The following GMPR2 variants were observed in gnomAD, a reference collection of about 807,000 sequenced individuals.
The protein encoded by GMPR2 is GMP reductase 2.
A neutral mutation model predicts 38.5 loss-of-function variants in GMPR2; 32 were observed. The ratio of observed to expected loss-of-function variants is 0.83; its 90% confidence interval spans 0.63 to 1.12. GMPR2 has a LOEUF of 1.12. Among genes scored for constraint, GMPR2 ranks in the 50% most tolerant of loss-of-function variants. The pLI is 0.00. For synonymous variants in GMPR2, 154 were observed against 151.0 expected (o/e 1.02, Z -0.15); for missense variants, 396 against 432.1 (o/e 0.92, Z 0.74).
At chr14:24,236,872 C>T (rs1279597308) in intron 5 of GMPR2, 199 bp from the exon 6 acceptor site, 7 of 534,818 alleles carry the variant, frequency 1.3e-5, no homozygotes, top group Admixed American at 9.4e-5. Context: ...CCTACCTTGG[C>T]TTGGTGTTGG....
At chr14:24,235,034 GGC>G (rs2040270727) in intron 3 of GMPR2, among the ~76,000 whole-genome samples, 1 of 152,186 alleles carries the variant, frequency 6.6e-6, no homozygotes, top group African/African-American at 2.4e-5. Context: ...CATACACAAT[GGC>G]CTTTGAATGC....
intron 5 of GMPR2, 27 bp from the exon 6 acceptor site, chr14:24,237,044 T>G: frequency 6.4e-7 from 1 of 1,563,492 alleles, no homozygotes; most frequent in South Asian, 1.1e-5. Context: ...GCCCTAAGGA[T>G]GCTGTATTTC....
intron 8 of GMPR2, chr14:24,237,955 TA>T (rs1408075204): frequency 4.2e-6 from 2 of 472,358 alleles, no homozygotes; most frequent in Non-Finnish European, 7.5e-6. Context: ...CTGGGCACAG[TA>T]AAATCAAATG....
intron 1 of GMPR2, 58 bp from the exon 2 acceptor site, chr14:24,233,161 C>T (rs768721547): frequency 1.6e-5 from 25 of 1,609,532 alleles, no homozygotes; most frequent in Non-Finnish European, 2.0e-5. Flanking sequence ...GGCCACCAGC[C>T]GTAACAGGGC....
Position 24,238,986 on chromosome 14 carries a change from A to C in GMPR2, c.*208A>C, listed in dbSNP as rs1309466209. The C allele has an allele frequency of 1.5e-6, 1 of 651,670 alleles. No homozygotes were observed. The highest frequency in any genetic ancestry group is 2.8e-6 in the Non-Finnish European group (1 of 352,934). 40.4% of individuals were successfully genotyped at this position (651,670 alleles called of 1,614,324 possible). On this transcript the variant is annotated 3_prime_UTR_variant, in exon 10 of 10. Transcript: ENST00000399440. ...CTCACTGGGGAGGAAGCAAGGAAGC[A>C]AACAGTCTGAGAAAATGATGCAAGA...
In GMPR2 at chr14:24,239,011, A is replaced by C. The variant is rs1208946549; in HGVS notation, c.*233A>C. Reference sequence around the variant, plus strand: ...AAACAGTCTGAGAAAATGATGCAAGAAAATCAAATGGGAATCTGGGGACCC... The same window carrying C: ...AAACAGTCTGAGAAAATGATGCAAGCAAATCAAATGGGAATCTGGGGACCC... On this transcript the variant is annotated 3_prime_UTR_variant, in exon 10 of 10. Coordinates refer to ENST00000399440, the MANE Select transcript of GMPR2 (RefSeq NM_001002002.3). 3.2e-6 allele frequency: 2 copies of C among 616,974 alleles called. No individual in the cohort carries two copies. Among genetic ancestry groups the C allele is most frequent in the African/African-American group, 3.6e-5 (2 of 55,446 alleles). 38.2% of individuals were successfully genotyped at this position (616,974 alleles called of 1,614,324 possible).
chr14:24,238,970 GAGGAAGCA>G lies in GMPR2; in HGVS notation c.*202_*209del, dbSNP rs1566362900. The G allele has an allele frequency of 3.0e-6, 2 of 673,952 alleles. No individual in the cohort carries two copies. Among genetic ancestry groups the G allele is most frequent in the East Asian group, 2.9e-5 (1 of 34,706 alleles). The allele number at this position is 673,952 out of a possible 1,614,324, so 41.7% of individuals were successfully genotyped here. A position where few individuals can be genotyped will look rare whatever the true frequency, so the allele number is the denominator to read the frequency against. ...CAAAATGCCCAAGGCACTCACTGGG[GAGGAAGCA>G]AGGAAGCAAACAGTCTGAGAAAATG... is the stretch of plus-strand genomic sequence containing the variant. On this transcript the variant is annotated 3_prime_UTR_variant, in exon 10 of 10. Coordinates refer to ENST00000399440, the MANE Select transcript of GMPR2 (RefSeq NM_001002002.3).
rs948674452 is a variant in GMPR2, at chr14:24,234,123, G to A, written c.207+525G>A. Reference sequence around the variant, plus strand: ...TTCTTTAAGTCCTAGGTTCCTGGGAGTTTCTGGGATGTGCCCCAAATGGGA... The same window carrying A: ...TTCTTTAAGTCCTAGGTTCCTGGGAATTTCTGGGATGTGCCCCAAATGGGA... On this transcript the variant is annotated intron_variant, in intron 3 of 9. Transcript: ENST00000399440. The A allele has an allele frequency of 7.8e-6, 10 of 1,289,266 alleles. No individual in the cohort carries two copies. In the African/African-American group the frequency reaches 1.5e-4, roughly 20 times the overall value. The allele number at this position is 1,289,266 out of a possible 1,614,324, so 79.9% of individuals were successfully genotyped here. A position where few individuals can be genotyped will look rare whatever the true frequency, so the allele number is the denominator to read the frequency against.
intron 2 of GMPR2, 55 bp from the exon 3 acceptor site, chr14:24,233,424 A>G (rs2040159577): frequency 1.2e-6 from 2 of 1,608,908 alleles, no homozygotes; most frequent in African/African-American, 1.3e-5. Flanking sequence ...CCTTGTCCTA[A>G]TATGGTACGT....
chr14:24,235,393 C>G (rs1217090000), intron 3 of GMPR2: 1 of 319,178 alleles, frequency 3.1e-6, no homozygotes, highest in African/African-American at 2.2e-5. Context: ...CAGGCTCCAT[C>G]CAGCTTCTTC....
chr14:24,236,064 TG>T lies in GMPR2; in HGVS notation c.391del (p.Ala131GlnfsTer12). Reference sequence around the variant, plus strand: ...CAGGTGAAGTATATATGCCTGGATGTGGCAAATGGCTACTCTGAACACTTTG... The same window carrying T: ...CAGGTGAAGTATATATGCCTGGATGTGCAAATGGCTACTCTGAACACTTTG... ...IPQVKYICLD[V>X]ANGYSEHFVE... On this transcript the variant is annotated frameshift_variant, in exon 5 of 10. Transcript: ENST00000399440. LOFTEE classifies it high-confidence loss of function. The T allele has an allele frequency of 2.5e-6, 4 of 1,613,472 alleles. No individual in the cohort carries two copies. The highest frequency in any genetic ancestry group is 3.4e-6 in the Non-Finnish European group (4 of 1,179,348).
chr14:24,236,917 C>T (rs1021862790), intron 5 of GMPR2, 154 bp from the exon 6 acceptor site: 2 of 616,978 alleles, frequency 3.2e-6, no homozygotes, highest in Admixed American at 2.9e-5. Flanking sequence ...TCTAAAGTGG[C>T]TAGTGTAAAA....
chr14:24,235,813 GTCTTGAGGTA>G lies in GMPR2; in HGVS notation c.285_291+3del. 6.2e-7 allele frequency: 1 copy of G among 1,612,074 alleles called. No homozygotes were observed. The highest frequency in any genetic ancestry group is 1.7e-5 in the Admixed American group (1 of 60,024). ...GAGTTTGCTGGCCAGAATCCTGACT[GTCTTGAGGTA>G]ACACTGGGCATACCCTGCTCCCTTC... On this transcript the variant is annotated splice_donor_variant and splice_donor_region_variant and coding_sequence_variant and intron_variant, in exon 4 of 10. Coordinates refer to ENST00000399440, the MANE Select transcript of GMPR2 (RefSeq NM_001002002.3). LOFTEE classifies it high-confidence loss of function.
In GMPR2 at chr14:24,233,540, T is replaced by A. The variant is rs762026582; in HGVS notation, c.149T>A (p.Ile50Asn). The stretch of plus-strand genomic sequence containing the variant: ...AAGCAGACATACTCTGGGGTTCCCA[T>A]CATTGCTGCCAATATGGATACTGTG... Reference protein sequence around the residue: ...NSKQTYSGVPIIAANMDTVGT... With the variant: ...NSKQTYSGVPNIAANMDTVGT... Residue 50 changes from isoleucine to asparagine, a missense_variant, in exon 3 of 10, where the codon ATC becomes AAC. Ile to Asn is a moderately radical substitution (Grantham distance 149). Coordinates refer to ENST00000399440, the MANE Select transcript of GMPR2 (RefSeq NM_001002002.3). The A allele has an allele frequency of 4.3e-6, 7 of 1,614,134 alleles. No homozygotes were observed. The highest frequency in any genetic ancestry group is 5.9e-6 in the Non-Finnish European group (7 of 1,179,960).
chr14:24,236,057 C>G lies in GMPR2; in HGVS notation c.382C>G (p.Leu128Val). The change falls in exon 5 of 10, where the codon CTG (leucine) becomes GTG (valine). Residue 128 changes from leucine to valine, a missense_variant. Physicochemically the swap from Leu to Val is conservative, Grantham distance 32. Coordinates refer to ENST00000399440, the MANE Select transcript of GMPR2 (RefSeq NM_001002002.3). Reference protein sequence around the residue: ...EAIPQVKYICLDVANGYSEHF... With the variant: ...EAIPQVKYICVDVANGYSEHF... ...TATTCCCCAGGTGAAGTATATATGC[C>G]TGGATGTGGCAAATGGCTACTCTGA... 3 of 1,613,758 alleles carry G rather than the reference C, an allele frequency of 1.9e-6. No individual in the cohort carries two copies. The highest frequency in any genetic ancestry group is 2.5e-6 in the Non-Finnish European group (3 of 1,179,634).
chr14:24,236,890 G>T (rs991722824), intron 5 of GMPR2, 181 bp from the exon 6 acceptor site: 6 of 565,276 alleles, frequency 1.1e-5, no homozygotes, highest in Admixed American at 3.1e-5. Context: ...TGGGTGGATG[G>T]GTAGGGAGCA....
intron 6 of GMPR2, 23 bp downstream of exon 6, chr14:24,237,175 C>A: frequency 6.4e-7 from 1 of 1,556,220 alleles, no homozygotes; most frequent in Non-Finnish European, 8.9e-7. Flanking sequence ...ATTGGGGCCA[C>A]TGGCTACCCC....
chr14:24,233,996 C>G, intron 3 of GMPR2: 3 of 829,368 alleles, frequency 3.6e-6, no homozygotes, highest in Non-Finnish European at 5.2e-6. Context: ...ATTCAAAAAT[C>G]CTAACTAGAA....
chr14:24,236,985 A>C, intron 5 of GMPR2, 86 bp from the exon 6 acceptor site: 5 of 1,000,822 alleles, frequency 5.0e-6, no homozygotes, highest in Non-Finnish European at 7.8e-6. Flanking sequence ...ATAATGTTGG[A>C]AAGTCATGGT....
Sources: gnomAD v4.1 joint callset for allele counts (sites outside exome capture counted in the v4.1 genomes callset) on GRCh38, gnomAD v4.1.1 for gene constraint, MANE v1.5 for transcripts, NCBI Gene and HGNC (gene_info 2026-07-23, HGNC 2026-07-21) for gene names.